Variants in FANCM observed in about 807,000 individuals in gnomAD.
The protein encoded by FANCM is FA complementation group M, also known as Fanconi anemia group M protein.
In FANCM, 140 loss-of-function variants were observed where a neutral mutation model predicts 199.5. The ratio of observed to expected loss-of-function variants is 0.70; its 90% CI spans 0.61 to 0.81. FANCM has a LOEUF of 0.81. Among genes scored for constraint, FANCM ranks in the 30% least tolerant of loss-of-function variants. The pLI is 0.00. For synonymous variants in FANCM, 840 were observed against 836.8 expected (o/e 1.00, Z -0.07); for missense variants, 2,410 against 2,421.4 (o/e 1.00, Z 0.10).
At chr14:45,180,704 G>C (rs538917487) in intron 14 of FANCM, 1 of 152,634 alleles carries the variant, frequency 6.6e-6, no homozygotes, top group Admixed American at 6.5e-5. Flanking sequence ...CAAAGTGCTG[G>C]AATTACAAGC....
chr14:45,174,698 T>TTATA (rs1485952715), intron 13 of FANCM, among the ~76,000 whole-genome samples: 5 of 152,024 alleles, frequency 3.3e-5, no homozygotes, highest in Non-Finnish European at 7.4e-5. Flanking sequence ...TATATGGTTT[T>TTATA]TATTAATATA....
intron 2 of FANCM, chr14:45,137,613 C>T (rs1475540971): frequency 1.1e-5 from 3 of 266,730 alleles, no homozygotes; most frequent in South Asian, 4.1e-5. Flanking sequence ...CTCTTCTTGG[C>T]GGCTAGGTAA....
chr14:45,160,476 C>T (rs2139191364), intron 9 of FANCM, among the ~76,000 whole-genome samples: 1 of 152,034 alleles, frequency 6.6e-6, no homozygotes, highest in East Asian at 1.9e-4. Flanking sequence ...GTGCCCACCA[C>T]CACGCCCAGC....
rs370310510 is a variant in FANCM, at chr14:45,196,310, A to G, written c.5479A>G (p.Ile1827Val). ...CTGTATTCTTGTAGGTGGTCATGAA[A>G]TCACTTCTGGATTAGAAGTAATTTC... ...GTCILVGGHE[I>V]TSGLEVISSL... The change falls in exon 21 of 23, where the codon ATC becomes GTC. Residue 1827 changes from isoleucine to valine, a missense_variant. By Grantham distance (29) the Ile-to-Val change is conservative. Transcript: ENST00000267430. 6.2e-7 allele frequency: 1 copy of G among 1,614,160 alleles called. No homozygotes were observed. The highest frequency in any genetic ancestry group is 8.5e-7 in the Non-Finnish European group (1 of 1,180,026).
At chr14:45,154,088 A>G in intron 6 of FANCM, 36 bp downstream of exon 6, 3 of 1,453,526 alleles carry the variant, frequency 2.1e-6, no homozygotes, top group Non-Finnish European at 1.9e-6. Context: ...AAATAATGAC[A>G]TGTATTATTT....
chr14:45,136,563 GAAGT>G, intron 1 of FANCM, 24 bp downstream of exon 1: 5 of 1,609,434 alleles, frequency 3.1e-6, no homozygotes, highest in Non-Finnish European at 4.2e-6. Context: ...GACTAATTTT[GAAGT>G]AAGAGCTGGG....
chr14:45,158,968 A>C (rs1490637097), intron 8 of FANCM, 128 bp from the exon 9 acceptor site: 11 of 652,078 alleles, frequency 1.7e-5, no homozygotes, highest in Non-Finnish European at 2.5e-5. Flanking sequence ...CACCACATCC[A>C]GCTGAATTAT....
Position 45,175,408 on chromosome 14 carries a change from C to A in FANCM, c.2654C>A (p.Thr885Asn), listed in dbSNP as rs1365324431. 1 of 1,571,040 alleles carries A rather than the reference C, an allele frequency of 6.4e-7. No homozygotes were observed. ...TCTGTAGATAATGACAGAAATTCCA[C>A]TGTTGAAAATATTTTTCAAGAAGAC... ...IDSVDNDRNS[T>N]VENIFQEDLP... Residue 885 changes from threonine (T) to asparagine (N), a missense_variant, in exon 14 of 23, where the codon ACT (threonine) becomes AAT (asparagine). Physicochemically the swap from Thr to Asn is moderately conservative, Grantham distance 65. Coordinates refer to ENST00000267430, the MANE Select transcript of FANCM (RefSeq NM_020937.4).
chr14:45,155,797 A>G (rs1028064655), intron 8 of FANCM, among the ~76,000 whole-genome samples: 2 of 152,222 alleles, frequency 1.3e-5, no homozygotes, highest in African/African-American at 4.8e-5. Context: ...AAAACTTGAA[A>G]TAAATAATCT....
chr14:45,188,961 G>C lies in FANCM; in HGVS notation c.4939G>C (p.Val1647Leu). Residue 1647 changes from valine (V) to leucine (L), a missense_variant, in exon 20 of 23, where the codon GTA becomes CTA. Physicochemically the swap from Val to Leu is conservative, Grantham distance 32. Transcript: ENST00000267430. ...NSKKYKTRRA[V>L]MLKEMMEQNC... ...TAAAAAGTATAAAACTCGACGTGCA[G>C]TAATGCTAAAAGAAATGATGGAACA... The C allele has an allele frequency of 6.2e-7, 1 of 1,614,016 alleles. No individual in the cohort carries two copies. Among genetic ancestry groups the C allele is most frequent in the East Asian group, 2.2e-5 (1 of 44,858 alleles).
chr14:45,187,173 A>G (rs1309369455), intron 18 of FANCM, among the ~76,000 whole-genome samples: 3 of 151,930 alleles, frequency 2.0e-5, no homozygotes, highest in Non-Finnish European at 4.4e-5. Flanking sequence ...ATTCCATTTT[A>G]GACACAGTAT....
At chr14:45,145,894 C>A (rs1283963281) in intron 3 of FANCM, among the ~76,000 whole-genome samples, 3 of 151,528 alleles carry the variant, frequency 2.0e-5, no homozygotes, top group African/African-American at 7.3e-5. Flanking sequence ...CCCGTCTCTA[C>A]TAAAAATACA....
At chr14:45,148,618 G>A (rs531921529) in intron 3 of FANCM, among the ~76,000 whole-genome samples, 4 of 152,222 alleles carry the variant, frequency 2.6e-5, no homozygotes, top group Admixed American at 6.5e-5. Flanking sequence ...TGGCTTGAAG[G>A]TCTGTGTGGG....
chr14:45,147,335 G>T (rs1478482806), intron 3 of FANCM, among the ~76,000 whole-genome samples: 1 of 150,786 alleles, frequency 6.6e-6, no homozygotes, highest in East Asian at 1.9e-4. Context: ...TTGGAGACAG[G>T]GTCTTGCCCT....
At chr14:45,175,017 GCTTT>G in intron 13 of FANCM, 50 bp from the exon 14 acceptor site, 2 of 1,065,880 alleles carry the variant, frequency 1.9e-6, no homozygotes, top group South Asian at 2.6e-5. Context: ...CTTAGATTTG[GCTTT>G]CTGTTTTGTT....
intron 21 of FANCM, 190 bp from the exon 22 acceptor site, chr14:45,198,454 G>A (rs1890186450): frequency 1.3e-5 from 6 of 463,416 alleles, no homozygotes; most frequent in South Asian, 7.9e-5. Flanking sequence ...AGCTCAAGGC[G>A]CTCATAGTTA....
rs199888664 is a variant in FANCM, at chr14:45,176,378, T to C, written c.3624T>C (p.Gly1208=). The C allele has an allele frequency of 1.2e-6, 2 of 1,613,008 alleles. No individual in the cohort carries two copies. Among genetic ancestry groups the C allele is most frequent in the East Asian group, 4.5e-5 (2 of 44,858 alleles). The change falls in exon 14 of 23, where the codon GGT becomes GGC. Residue 1208 remains glycine, a synonymous_variant. Transcript: ENST00000267430. Reference sequence around the variant, plus strand: ...GTTTTAAATCTCGTGATCAGAGAGGTGTACAGGAAGAAAAAGTGAAGAATC... The same window carrying C: ...GTTTTAAATCTCGTGATCAGAGAGGCGTACAGGAAGAAAAAGTGAAGAATC... ...ANSFKSRDQR[G]VQEEKVKNHE...
chr14:45,153,450 A>G (rs1360235862), intron 5 of FANCM, among the ~76,000 whole-genome samples: 1 of 152,202 alleles, frequency 6.6e-6, no homozygotes, highest in Non-Finnish European at 1.5e-5. Context: ...CAGTCTGATT[A>G]AATATTTGTA....
At chr14:45,194,133 C>G (rs1889924866) in intron 20 of FANCM, among the ~76,000 whole-genome samples, 1 of 151,930 alleles carries the variant, frequency 6.6e-6, no homozygotes, top group Non-Finnish European at 1.5e-5. Context: ...GAAACCCCAT[C>G]TCTACTAAAA....
Sources: gnomAD v4.1 joint callset for allele counts (sites outside exome capture counted in the v4.1 genomes callset) on GRCh38, gnomAD v4.1.1 for gene constraint, MANE v1.5 for transcripts, NCBI Gene and HGNC (gene_info 2026-07-23, HGNC 2026-07-21) for gene names.